Variants in NLRP3 observed in about 807,000 individuals in gnomAD.
The protein encoded by NLRP3 is NLR family pyrin domain containing 3.
A neutral mutation model predicts 91.3 loss-of-function variants in NLRP3; 48 were observed. That is an observed-to-expected ratio of 0.53 (90% CI 0.42 to 0.67). NLRP3 has a LOEUF of 0.67. Among genes scored for constraint, NLRP3 ranks in the 30% least tolerant of loss-of-function variants. The pLI is 0.00. For synonymous variants in NLRP3, 561 were observed against 507.9 expected, an observed-to-expected ratio of 1.10 and a Z score of -1.41; for missense variants, 982 against 1,276.9, an observed-to-expected ratio of 0.77 and a Z score of 3.52.
rs1171805245 is a variant in NLRP3, at chr1:247,429,746, G to A, written c.2312G>A (p.Arg771Gln). 12 of 1,613,646 alleles carry A rather than the reference G, an allele frequency of 7.4e-6. No homozygotes were observed. The East Asian group carries it at 1.1e-4, about 15-fold the overall frequency. Residue 771 changes from arginine to glutamine, a missense_variant, in exon 5 of 10, where the codon CGG (arginine) becomes CAG (glutamine). Coordinates refer to ENST00000336119, the MANE Select transcript of NLRP3 (RefSeq NM_001243133.2). ...CTCCAGCATCCTGGCTGTAACATTC[G>A]GAGATTGTGGTGAGTCCCCGTGCAT... Reference protein sequence around the residue: ...ETLQHPGCNIRRLWLGRCGLS... With the variant: ...ETLQHPGCNIQRLWLGRCGLS...
At position 247,425,565 on chromosome 1, in the gene NLRP3, C is replaced by T; in HGVS notation, c.2116C>T (p.Leu706Phe). The change falls in exon 4 of 10, where the codon CTC (leucine) becomes TTC (phenylalanine). Residue 706 changes from leucine to phenylalanine, a missense_variant. Leu to Phe is a conservative substitution (Grantham distance 22). Coordinates refer to ENST00000336119, the MANE Select transcript of NLRP3 (RefSeq NM_001243133.2). This position sits in a 1 kb window ranked among gnomAD's most constrained non-coding sequence, Gnocchi z 4.1. ...GRHLDMVQCVLPSSSHAACSH... is the reference protein window; with the variant it reads ...GRHLDMVQCVFPSSSHAACSH... ...ACACCTTGATATGGTGCAGTGTGTC[C>T]TCCCAAGCTCCTCTCATGCTGCCTG... is the stretch of plus-strand genomic sequence containing the variant. 6.2e-7 allele frequency: 1 copy of T among 1,610,008 alleles called. No homozygotes were observed. The highest frequency in any genetic ancestry group is 8.5e-7 in the Non-Finnish European group (1 of 1,179,990).
rs556904926 is a variant in NLRP3, at chr1:247,429,354, C to T, written c.2151-231C>T. Among the ~76,000 whole-genome samples, 78 of 152,248 alleles carry T rather than the reference C, an allele frequency of 5.1e-4. 1 individual carries two copies. In the Middle Eastern group the frequency reaches 0.01, roughly 20 times the overall value. Reference sequence around the variant, plus strand: ...GGAGCAGGCTGTAGGGTGCCACAGTCCGCCACAGTCACAGGCTCATGCTCT... The same window carrying T: ...GGAGCAGGCTGTAGGGTGCCACAGTTCGCCACAGTCACAGGCTCATGCTCT... On this transcript the variant is annotated intron_variant, in intron 4 of 9. Coordinates refer to ENST00000336119, the MANE Select transcript of NLRP3 (RefSeq NM_001243133.2).
Position 247,429,588 on chromosome 1 carries a change from G to T in NLRP3, c.2154G>T (p.Leu718Phe). The T allele has an allele frequency of 1.2e-6, 2 of 1,614,118 alleles. No individual in the cohort carries two copies. The highest frequency in any genetic ancestry group is 1.7e-6 in the Non-Finnish European group (2 of 1,179,990). ...CTGTCTTCCTTCTAATTCCTAGATT[G>T]GTGAACAGCCACCTCACTTCCAGTT... ...SSSHAACSHG[L>F]VNSHLTSSFC... The change falls in exon 5 of 10, where the codon TTG (leucine) becomes TTT (phenylalanine). Residue 718 changes from leucine to phenylalanine, a missense_variant. Coordinates refer to ENST00000336119, the MANE Select transcript of NLRP3 (RefSeq NM_001243133.2).
At position 247,425,338 on chromosome 1, in the gene NLRP3, A is replaced by T. The variant is rs1572173465; in HGVS notation, c.1889A>T (p.Tyr630Phe). The change falls in exon 4 of 10, where the codon TAC (tyrosine) becomes TTC (phenylalanine). Residue 630 changes from tyrosine to phenylalanine, a missense_variant. Physicochemically the swap from Tyr to Phe is conservative, Grantham distance 22. Around this residue, in one of 5 missense-constraint regions of NLRP3, gnomAD observed 373 missense variants for 431.5 expected, o/e 0.86. Coordinates refer to ENST00000336119, the MANE Select transcript of NLRP3 (RefSeq NM_001243133.2). The surrounding 1 kb of genome is among the most constrained non-coding windows in gnomAD (Gnocchi z 4.1). The stretch of plus-strand genomic sequence containing the variant: ...CAGCCCAGCCAGCTGGAATTGTTCT[A>T]CTGTTTGTACGAGATGCAGGAGGAG... ...QIQPSQLELFYCLYEMQEEDF... is the reference protein window; with the variant it reads ...QIQPSQLELFFCLYEMQEEDF... 1.2e-6 allele frequency: 2 copies of T among 1,614,148 alleles called. No homozygotes were observed. Among genetic ancestry groups the T allele is most frequent in the Non-Finnish European group, 8.5e-7 (1 of 1,180,010 alleles).
intron 4 of NLRP3, among the ~76,000 whole-genome samples, chr1:247,427,965 G>A (rs1217081987): frequency 8.5e-6 from 1 of 117,040 alleles, no homozygotes; most frequent in Non-Finnish European, 1.7e-5. Flanking sequence ...TCCTTCCTCT[G>A]AGGACAGACT....
intron 9 of NLRP3, among the ~76,000 whole-genome samples, chr1:247,447,588 G>A (rs573573303): frequency 2.6e-5 from 4 of 152,302 alleles, no homozygotes; most frequent in South Asian, 2.1e-4. Flanking sequence ...AACTTACATC[G>A]AAGATGTGAG....
rs757703738 is a variant in NLRP3, at chr1:247,424,006, T to C, written c.557T>C (p.Leu186Pro). Residue 186 changes from leucine (L) to proline (P), a missense_variant, in exon 4 of 10, where the codon CTG becomes CCG. Physicochemically the swap from Leu to Pro is moderately conservative, Grantham distance 98 (BLOSUM62 -3). Transcript: ENST00000336119. The surrounding 1 kb of genome is among the most constrained non-coding windows in gnomAD (Gnocchi z 8.1). ...RSQQEREQEL[L>P]AIGKTKTCES... The stretch of plus-strand genomic sequence containing the variant: ...CAGCAGGAGAGGGAGCAGGAGCTTC[T>C]GGCCATCGGCAAGACCAAGACGTGT... 1.9e-6 allele frequency: 3 copies of C among 1,614,040 alleles called. No homozygotes were observed. Among genetic ancestry groups the C allele is most frequent in the South Asian group, 2.2e-5 (2 of 91,058 alleles).
chr1:247,434,412 G>A (rs1663635189), intron 6 of NLRP3, 139 bp downstream of exon 6: 1 of 864,346 alleles, frequency 1.2e-6, no homozygotes, highest in Non-Finnish European at 1.9e-6. Flanking sequence ...TTGTCTTGGG[G>A]TGTCTAGCAT....
chr1:247,438,677 C>T lies in NLRP3; in HGVS notation c.2663+2537C>T, dbSNP rs1291809415. Among the ~76,000 whole-genome samples the T allele has an allele frequency of 2.0e-5, 3 of 152,192 alleles. No homozygotes were observed. In the East Asian group the frequency reaches 5.8e-4, roughly 29 times the overall value. On this transcript the variant is annotated intron_variant, in intron 7 of 9. Coordinates refer to ENST00000336119, the MANE Select transcript of NLRP3 (RefSeq NM_001243133.2). ...GGGATTACAGGCGTGAGCCACACAC[C>T]CGCCTGGTTTACCTTTTTTGTTGTT...
At chr1:247,437,217 A>T (rs1663856815) in intron 7 of NLRP3, among the ~76,000 whole-genome samples, 1 of 152,222 alleles carries the variant, frequency 6.6e-6, no homozygotes, top group African/African-American at 2.4e-5. Context: ...CCCATTGACT[A>T]GGCAGTTTTG....
At chr1:247,422,626 A>G (rs1456860978) in intron 2 of NLRP3, among the ~76,000 whole-genome samples, 1 of 152,088 alleles carries the variant, frequency 6.6e-6, no homozygotes, top group African/African-American at 2.4e-5. Flanking sequence ...GAGGGACTGA[A>G]AAAGAACCTC....
At chr1:247,431,185 AAAT>A (rs549986882) in intron 5 of NLRP3, among the ~76,000 whole-genome samples, 23 of 150,888 alleles carry the variant, frequency 1.5e-4, no homozygotes, top group Admixed American at 1.3e-3. Flanking sequence ...TTCCATTTCA[AAAT>A]AATAATAATA....
Position 247,425,905 on chromosome 1 carries a change from G to A in NLRP3, c.2150+306G>A. 1 of 398,524 alleles carries A rather than the reference G, an allele frequency of 2.5e-6. No homozygotes were observed. Among genetic ancestry groups the A allele is most frequent in the South Asian group, 2.2e-5 (1 of 45,240 alleles). 24.7% of individuals were successfully genotyped at this position (398,524 alleles called of 1,614,324 possible). Reference sequence around the variant, plus strand: ...ATTTGTCAACTGAAATTTCTTGTAAGCTACTTGGAGCACTAGTGCCTAAGA... The same window carrying A: ...ATTTGTCAACTGAAATTTCTTGTAAACTACTTGGAGCACTAGTGCCTAAGA... On this transcript the variant is annotated intron_variant, in intron 4 of 9. Coordinates refer to ENST00000336119, the MANE Select transcript of NLRP3 (RefSeq NM_001243133.2). This position sits in a 1 kb window ranked among gnomAD's most constrained non-coding sequence, Gnocchi z 4.1.
chr1:247,434,950 A>G (rs1381630526), intron 6 of NLRP3, among the ~76,000 whole-genome samples: 3 of 152,204 alleles, frequency 2.0e-5, no homozygotes, highest in Non-Finnish European at 4.4e-5. Flanking sequence ...TATCTGCAAA[A>G]GAGTTCAAAG....
intron 9 of NLRP3, among the ~76,000 whole-genome samples, chr1:247,447,707 C>A (rs965466471): frequency 6.6e-6 from 1 of 152,112 alleles, no homozygotes; most frequent in Non-Finnish European, 1.5e-5. Context: ...GCTGACTGGA[C>A]ATACAGTGAT....
intron 4 of NLRP3, among the ~76,000 whole-genome samples, chr1:247,427,300 C>G (rs545000570): frequency 4.6e-5 from 7 of 152,114 alleles, no homozygotes; most frequent in Non-Finnish European, 7.3e-5. Flanking sequence ...AGGATTTCAG[C>G]GTATGGATTT....
At chr1:247,437,602 T>C (rs1298551820) in intron 7 of NLRP3, among the ~76,000 whole-genome samples, 1 of 152,234 alleles carries the variant, frequency 6.6e-6, no homozygotes, top group African/African-American at 2.4e-5. Context: ...ACAGACATGA[T>C]TTTGTCCCTT....
chr1:247,447,956 A>G (rs1177297849), intron 9 of NLRP3, among the ~76,000 whole-genome samples: 2 of 151,296 alleles, frequency 1.3e-5, no homozygotes, highest in Non-Finnish European at 2.9e-5. Context: ...TATGCTTAAC[A>G]TTTTCCCAAC....
chr1:247,437,622 G>A (rs570822114), intron 7 of NLRP3, among the ~76,000 whole-genome samples: 85 of 152,312 alleles, frequency 5.6e-4, no homozygotes, highest in African/African-American at 1.9e-3. Context: ...TCATTTTGCA[G>A]GCCCTCTGGG....
Sources: allele counts gnomAD v4.1 joint callset (sites outside exome capture counted in the v4.1 genomes callset), GRCh38; gene constraint gnomAD v4.1.1; regional missense constraint gnomAD v4.1.1; non-coding constraint Gnocchi (gnomAD v3.1); transcripts MANE v1.5; gene names NCBI Gene and HGNC (gene_info 2026-07-23, HGNC 2026-07-21).